The following EYS variants were observed in gnomAD, a reference collection of about 807,000 sequenced individuals.
The protein encoded by EYS is EGF-like photoreceptor maintenance factor.
EYS carries 250 observed loss-of-function variants against 282.1 expected under a neutral mutation model. That is an observed-to-expected ratio of 0.89 (90% CI 0.80 to 0.98). EYS has a LOEUF of 0.98. Ranked by LOEUF, EYS falls within the 50% of genes least tolerant of loss-of-function variation. The pLI, the probability that EYS is intolerant of heterozygous loss-of-function variation, is 0.00. For missense variants in EYS, 4,016 were observed against 3,709.0 expected (o/e 1.08, Z -2.15); for synonymous variants, 1,355 against 1,282.9 (o/e 1.06, Z -1.20).
chr6:65,612,327 T>C (rs534538151), intron 2 of EYS, among the ~76,000 whole-genome samples: 4 of 151,544 alleles, frequency 2.6e-5, no homozygotes, highest in Non-Finnish European at 5.9e-5. Flanking sequence ...ATATGATGAA[T>C]TGAACTTCCT....
intron 1 of EYS, among the ~76,000 whole-genome samples, chr6:65,650,459 G>A (rs1767615227): frequency 6.6e-6 from 1 of 152,192 alleles, no homozygotes; most frequent in East Asian, 1.9e-4. Flanking sequence ...ATTTCATTTT[G>A]ATTTTAGACC....
chr6:64,553,808 T>C (rs1582887942), intron 26 of EYS, among the ~76,000 whole-genome samples: 2 of 152,078 alleles, frequency 1.3e-5, no homozygotes, highest in East Asian at 1.9e-4. Context: ...GAAAATGTAT[T>C]CTCCAACTAT....
intron 35 of EYS, among the ~76,000 whole-genome samples, chr6:63,939,740 C>A (rs1454847361): frequency 6.6e-6 from 1 of 151,832 alleles, no homozygotes; most frequent in East Asian, 1.9e-4. Flanking sequence ...GTCATAAATG[C>A]ATAATACATA....
At chr6:65,043,432 G>A (rs999667229) in intron 13 of EYS, among the ~76,000 whole-genome samples, 6 of 151,318 alleles carry the variant, frequency 4.0e-5, no homozygotes, top group Non-Finnish European at 7.4e-5. Flanking sequence ...TATGTTAATG[G>A]TAATCTAAAG....
At chr6:65,309,973 T>C (rs1370635038) in intron 11 of EYS, among the ~76,000 whole-genome samples, 1 of 152,226 alleles carries the variant, frequency 6.6e-6, no homozygotes, top group Non-Finnish European at 1.5e-5. Context: ...AATAGCCATA[T>C]TGATCCTTTC....
intron 26 of EYS, among the ~76,000 whole-genome samples, chr6:64,452,647 G>T (rs891230679): frequency 6.6e-6 from 1 of 152,084 alleles, no homozygotes; most frequent in African/African-American, 2.4e-5. Context: ...CATGGTACTG[G>T]TACCAAAACA....
intron 22 of EYS, among the ~76,000 whole-genome samples, chr6:64,743,538 G>T (rs956559932): frequency 6.6e-6 from 1 of 151,948 alleles, no homozygotes; most frequent in African/African-American, 2.4e-5. Flanking sequence ...TTCACAGAAT[G>T]GTCCATGAAA....
At chr6:63,997,516 T>C (rs904936990) in intron 34 of EYS, among the ~76,000 whole-genome samples, 1 of 152,210 alleles carries the variant, frequency 6.6e-6, no homozygotes, top group African/African-American at 2.4e-5. Flanking sequence ...ACAGCTCCTG[T>C]AGCGGCAGCA....
chr6:64,926,608 C>G (rs1050468375), intron 15 of EYS, among the ~76,000 whole-genome samples: 8 of 152,156 alleles, frequency 5.3e-5, no homozygotes, highest in Admixed American at 1.3e-4. Context: ...TCTGCTGGAG[C>G]CTGCCACATG....
intron 12 of EYS, among the ~76,000 whole-genome samples, chr6:65,130,016 T>C (rs1470503276): frequency 6.6e-6 from 1 of 151,910 alleles, no homozygotes; most frequent in Non-Finnish European, 1.5e-5. Context: ...GCAACATGGA[T>C]GTAGCTGGAG....
At chr6:64,398,454 A>G (rs1200186417) in intron 28 of EYS, among the ~76,000 whole-genome samples, 2 of 151,848 alleles carry the variant, frequency 1.3e-5, no homozygotes, top group Non-Finnish European at 1.5e-5. Context: ...ATGACACTGG[A>G]AAGTCTGTTG....
intron 12 of EYS, among the ~76,000 whole-genome samples, chr6:65,260,791 C>T (rs564304844): frequency 1.3e-5 from 2 of 151,668 alleles, no homozygotes; most frequent in Non-Finnish European, 2.9e-5. Flanking sequence ...CAAAAAAACA[C>T]GAGGACAAAA....
At chr6:64,803,370 G>GGTGT (rs887035640) in intron 22 of EYS, among the ~76,000 whole-genome samples, 1 of 151,230 alleles carries the variant, frequency 6.6e-6, no homozygotes, top group Non-Finnish European at 1.5e-5. Context: ...GGGGACTGAA[G>GGTGT]GTGTGTGTGT....
chr6:64,612,408 T>C (rs1767142209), intron 24 of EYS, among the ~76,000 whole-genome samples: 1 of 152,088 alleles, frequency 6.6e-6, no homozygotes, highest in African/African-American at 2.4e-5. Context: ...TCTGATCAAA[T>C]GAAAAAGAGA....
At chr6:63,727,041 A>G (rs963135571) in intron 41 of EYS, among the ~76,000 whole-genome samples, 2 of 152,246 alleles carry the variant, frequency 1.3e-5, no homozygotes, top group Non-Finnish European at 2.9e-5. Context: ...CAGAAAGTTC[A>G]AATGTTGGAA....
rs1270732398 is a variant in EYS, at chr6:64,475,414, A to G, written c.5645-36062T>C. 2.4e-4 allele frequency among the ~76,000 whole-genome samples: 29 copies of G among 120,432 alleles called. 5 individuals are homozygous for G. Among genetic ancestry groups the G allele is most frequent in the African/African-American group, 7.5e-4 (26 of 34,628 alleles). 79.0% of individuals were successfully genotyped at this position (120,432 alleles called of 152,430 possible). ...AAAATACAAAAAATTAGCCGGGCGT[A>G]GTGGCGGGCGCCTGTAGTCCCAGCT... On this transcript the variant is annotated intron_variant, in intron 26 of 42. Transcript: ENST00000503581.
chr6:65,059,659 A>G (rs1773514261), intron 12 of EYS, among the ~76,000 whole-genome samples: 1 of 152,058 alleles, frequency 6.6e-6, no homozygotes, highest in Non-Finnish European at 1.5e-5. Context: ...TCTGAAGTAA[A>G]TTCTCTAAGA....
chr6:64,660,138 C>T (rs1402050278), intron 22 of EYS, among the ~76,000 whole-genome samples: 4 of 152,122 alleles, frequency 2.6e-5, no homozygotes, highest in Non-Finnish European at 5.9e-5. Context: ...ACAAAAACCA[C>T]ATGATTATCT....
intron 12 of EYS, among the ~76,000 whole-genome samples, chr6:65,092,395 C>T (rs1353353758): frequency 6.6e-6 from 1 of 152,142 alleles, no homozygotes; most frequent in African/African-American, 2.4e-5. Context: ...AATAACTACT[C>T]ATATATTTAC....
Sources: gnomAD v4.1 joint callset for allele counts (sites outside exome capture counted in the v4.1 genomes callset) on GRCh38, gnomAD v4.1.1 for gene constraint, MANE v1.5 for transcripts, NCBI Gene and HGNC (gene_info 2026-07-23, HGNC 2026-07-21) for gene names.